BPTF: variants seen among roughly 807,000 people sequenced by gnomAD.
BPTF encodes nucleosome-remodeling factor subunit BPTF.
A neutral mutation model predicts 292.5 loss-of-function variants in BPTF; 18 were observed. The ratio of observed to expected loss-of-function variants is 0.06; its 90% CI spans 0.04 to 0.09. BPTF has a LOEUF of 0.09. BPTF is among the 10% of genes least tolerant of loss of function. BPTF has a pLI of 1.00. For missense variants in BPTF, 2,726 were observed against 3,498.7 expected (o/e 0.78, Z 5.57); for synonymous variants, 1,225 against 1,251.9 (o/e 0.98, Z 0.45).
intron 1 of BPTF, among the ~76,000 whole-genome samples, chr17:67,835,237 A>C (rs188486353): frequency 6.6e-6 from 1 of 152,032 alleles, no homozygotes; most frequent in Non-Finnish European, 1.5e-5. Context: ...AGTAAAATGA[A>C]AAGTTAGTTT....
At chr17:67,959,977 TATTAA>T (rs2067319150) in intron 24 of BPTF, 102 bp downstream of exon 24, 2 of 910,014 alleles carry the variant, frequency 2.2e-6, no homozygotes, top group South Asian at 2.0e-5. Context: ...TAAATGAAAA[TATTAA>T]ATTTAAGAGT....
intron 24 of BPTF, chr17:67,963,606 C>T (rs2067719650): frequency 8.3e-7 from 1 of 1,201,332 alleles, no homozygotes; most frequent in African/African-American, 1.6e-5. Flanking sequence ...TTTTTTTCTA[C>T]ATTTATTATA....
intron 27 of BPTF, among the ~76,000 whole-genome samples, chr17:67,979,077 G>A (rs1599073779): frequency 6.6e-6 from 1 of 150,962 alleles, no homozygotes; most frequent in East Asian, 2.0e-4. Context: ...CAGAGGCTGA[G>A]GTGGGAGGAT....
At chr17:67,832,562 T>C (rs1361502475) in intron 1 of BPTF, among the ~76,000 whole-genome samples, 3 of 152,174 alleles carry the variant, frequency 2.0e-5, no homozygotes, top group Admixed American at 6.5e-5. Flanking sequence ...TATGGAGATA[T>C]AATTTATATA....
intron 27 of BPTF, among the ~76,000 whole-genome samples, chr17:67,976,489 C>CAG (rs1259932732): frequency 5.3e-5 from 8 of 151,876 alleles, no homozygotes; most frequent in Non-Finnish European, 1.2e-4. Context: ...GGGAACATCC[C>CAG]AGCCTTGTCA....
chr17:67,954,516 C>T (rs555491852), intron 23 of BPTF, among the ~76,000 whole-genome samples: 2 of 152,278 alleles, frequency 1.3e-5, no homozygotes, highest in African/African-American at 2.4e-5. Flanking sequence ...ATGTTAGTCT[C>T]CCTTACCCCC....
At chr17:67,947,032 G>A (rs2065861119) in intron 21 of BPTF, among the ~76,000 whole-genome samples, 1 of 152,106 alleles carries the variant, frequency 6.6e-6, no homozygotes, top group Non-Finnish European at 1.5e-5. Flanking sequence ...CAGTTCCTAG[G>A]TCTCCCATTC....
At chr17:67,870,059 C>T (rs1355254084) in intron 3 of BPTF, among the ~76,000 whole-genome samples, 1 of 133,560 alleles carries the variant, frequency 7.5e-6, no homozygotes, top group Non-Finnish European at 1.7e-5. Flanking sequence ...TGGGGAACAA[C>T]AAAGAGAACA....
intron 27 of BPTF, among the ~76,000 whole-genome samples, chr17:67,976,476 G>T (rs1443826078): frequency 1.3e-5 from 2 of 151,916 alleles, no homozygotes; most frequent in African/African-American, 2.4e-5. Context: ...CACAGGAGGT[G>T]GGGGGAACAT....
At chr17:67,888,669 C>A (rs781412272) in intron 4 of BPTF, among the ~76,000 whole-genome samples, 1 of 151,416 alleles carries the variant, frequency 6.6e-6, no homozygotes, top group Non-Finnish European at 1.5e-5. Context: ...CCATGAGCCA[C>A]ATTATGAATT....
At chr17:67,913,769 T>C (rs942351016) in intron 11 of BPTF, among the ~76,000 whole-genome samples, 5 of 152,174 alleles carry the variant, frequency 3.3e-5, no homozygotes, top group African/African-American at 1.2e-4. Context: ...TCTGGGCACT[T>C]TAGGTTTAGG....
chr17:67,940,589 C>A lies in BPTF; in HGVS notation c.6410C>A (p.Pro2137His). The change falls in exon 19 of 28, where the codon CCC (proline) becomes CAC (histidine). Residue 2137 changes from proline (P) to histidine (H), a missense_variant. Around this residue, in one of 22 missense-constraint regions of BPTF, gnomAD observed 570 missense variants for 633.5 expected, o/e 0.90. Transcript: ENST00000306378. ...TSNIQSSASQ[P>H]PRPQQGQVKL... ...AATATACAGTCTTCAGCCTCACAAC[C>A]CCCTCGCCCCCAACAAGGACAAGTG... The A allele has an allele frequency of 1.9e-6, 3 of 1,614,122 alleles. No homozygotes were observed. The highest frequency in any genetic ancestry group is 1.7e-6 in the Non-Finnish European group (2 of 1,180,028).
Position 67,945,400 on chromosome 17 carries a change from T to C in BPTF, c.6701-9T>C. On this transcript the variant is annotated splice_polypyrimidine_tract_variant and intron_variant, in intron 20 of 27. Transcript: ENST00000306378. ...AGTAATAGAAATGGTTCATCTTTCC[T>C]TTTTACAGGTACAGGTGAACAAAGG... The C allele has an allele frequency of 1.2e-6, 2 of 1,600,198 alleles. No homozygotes were observed. The highest frequency in any genetic ancestry group is 1.7e-6 in the Non-Finnish European group (2 of 1,172,792).
intron 4 of BPTF, among the ~76,000 whole-genome samples, chr17:67,879,520 C>T (rs1485248923): frequency 6.6e-6 from 1 of 152,162 alleles, no homozygotes; most frequent in South Asian, 2.1e-4. Context: ...TTATAGATTT[C>T]ATTCACTTCT....
intron 9 of BPTF, among the ~76,000 whole-genome samples, chr17:67,908,679 G>A (rs920760779): frequency 3.3e-5 from 5 of 150,724 alleles, no homozygotes; most frequent in Admixed American, 6.6e-5. Context: ...TAATAGAGGC[G>A]GGGTTTCACC....
Position 67,944,230 on chromosome 17 carries a change from G to T in BPTF, c.6558G>T (p.Val2186=). 8 of 1,614,160 alleles carry T rather than the reference G, an allele frequency of 5.0e-6. No homozygotes were observed. The highest frequency in any genetic ancestry group is 1.1e-5 in the South Asian group (1 of 91,076). The part of the protein sequence containing the change: ...TGQLQLIPQG[V]TVLPGPGQQL... ...AGTTGCAGTTGATACCTCAAGGGGT[G>T]ACTGTACTCCCAGGCCCAGGCCAGC... Residue 2186 remains valine (V), a synonymous_variant, in exon 20 of 28, where the codon GTG becomes GTT. Transcript: ENST00000306378.
chr17:67,951,429 G>C (rs1598869910), intron 23 of BPTF: 2 of 152,340 alleles, frequency 1.3e-5, no homozygotes, highest in South Asian at 4.1e-4. Flanking sequence ...TTGGTCATCA[G>C]TGTTTCTCAA....
chr17:67,945,859 A>C lies in BPTF; in HGVS notation c.7151A>C (p.Gln2384Pro), dbSNP rs1598833841. Residue 2384 changes from glutamine to proline, a missense_variant, in exon 21 of 28, where the codon CAG becomes CCG. By Grantham distance (76) the Gln-to-Pro change is moderately conservative. This residue lies in a region of BPTF where 570 missense variants were observed against 633.5 expected (regional missense o/e 0.90). Coordinates refer to ENST00000306378, the MANE Select transcript of BPTF (RefSeq NM_182641.4). Reference protein sequence around the residue: ...PIPIQPHTSLQIPSQGQPQSQ... With the variant: ...PIPIQPHTSLPIPSQGQPQSQ... ...CCAATTCAACCACATACATCTCTTCAGATACCTTCCCAAGGCCAGCCACAG... is the reference window on the plus strand; with the variant it reads ...CCAATTCAACCACATACATCTCTTCCGATACCTTCCCAAGGCCAGCCACAG... 25 of 1,614,158 alleles carry C rather than the reference A, an allele frequency of 1.5e-5. No homozygotes were observed. The highest frequency in any genetic ancestry group is 2.1e-5 in the Non-Finnish European group (25 of 1,180,026).
chr17:67,872,413 T>G (rs1308761195), intron 3 of BPTF, among the ~76,000 whole-genome samples: 2 of 152,100 alleles, frequency 1.3e-5, no homozygotes, highest in African/African-American at 2.4e-5. Flanking sequence ...AGCTATAGGA[T>G]GTAGTTGTGT....
Sources: allele counts gnomAD v4.1 joint callset (sites outside exome capture counted in the v4.1 genomes callset), GRCh38; gene constraint gnomAD v4.1.1; regional missense constraint gnomAD v4.1.1; transcripts MANE v1.5; gene names NCBI Gene and HGNC (gene_info 2026-07-23, HGNC 2026-07-21).